FAM114A1: variants seen among roughly 807,000 people sequenced by gnomAD.
The protein encoded by FAM114A1 is family with sequence similarity 114 member A1, also known as protein NOXP20.
FAM114A1 carries 62 observed loss-of-function variants against 64.3 expected under a neutral mutation model. The observed-to-expected ratio is 0.96, with a 90% CI of 0.79 to 1.19. The LOEUF (loss-of-function observed/expected upper bound fraction) is 1.19, where lower values mean the gene tolerates loss of function less well. Among genes scored for constraint, FAM114A1 ranks in the 50% most tolerant of loss-of-function variants. The pLI, the probability that FAM114A1 is intolerant of heterozygous loss-of-function variation, is 0.00. For synonymous variants in FAM114A1, 254 were observed against 251.1 expected, an observed-to-expected ratio of 1.01 and a Z score of -0.11; for missense variants, 645 against 676.3, an observed-to-expected ratio of 0.95 and a Z score of 0.51.
In FAM114A1 at chr4:38,943,504, C is replaced by T; in HGVS notation, c.1639C>T (p.Pro547Ser). 2 of 1,614,112 alleles carry T rather than the reference C, an allele frequency of 1.2e-6. No individual in the cohort carries two copies. The highest frequency in any genetic ancestry group is 1.7e-6 in the Non-Finnish European group (2 of 1,179,996). The change falls in exon 15 of 15, where the codon CCT (proline) becomes TCT (serine). Residue 547 changes from proline to serine, a missense_variant. Physicochemically the swap from Pro to Ser is moderately conservative, Grantham distance 74. Transcript: ENST00000358869. ...ACAGGATGCCTTCCAGCTGCTGCTGCCTGTTCTGCAGGTCTCACATATCCA... is the reference window on the plus strand; with the variant it reads ...ACAGGATGCCTTCCAGCTGCTGCTGTCTGTTCTGCAGGTCTCACATATCCA... Reference protein sequence around the residue: ...YIQDAFQLLLPVLQVSHIQTS... With the variant: ...YIQDAFQLLLSVLQVSHIQTS...
Position 38,908,790 on chromosome 4 carries a change from TC to T in FAM114A1, c.792+65del. On this transcript the variant is annotated intron_variant, in intron 7 of 14. Coordinates refer to ENST00000358869, the MANE Select transcript of FAM114A1 (RefSeq NM_138389.4). ...ATAAAGTAAATAAATTTTTTATTTA[TC>T]TTTTTGAATAGCTCATTTAAAGCAT... 3.6e-6 allele frequency: 5 copies of T among 1,402,674 alleles called. No homozygotes were observed. In the South Asian group the frequency reaches 4.7e-5, roughly 13 times the overall value. 86.9% of individuals were successfully genotyped at this position (1,402,674 alleles called of 1,614,324 possible).
intron 4 of FAM114A1, among the ~76,000 whole-genome samples, chr4:38,904,337 C>T (rs1183858685): frequency 6.6e-6 from 1 of 152,164 alleles, no homozygotes; most frequent in Non-Finnish European, 1.5e-5. Flanking sequence ...ATCGTGAAGG[C>T]CTCAAAGGGA....
chr4:38,878,250 G>C lies in FAM114A1; in HGVS notation c.172G>C (p.Val58Leu), dbSNP rs757899799. The C allele has an allele frequency of 6.2e-7, 1 of 1,614,224 alleles. No individual in the cohort carries two copies. The highest frequency in any genetic ancestry group is 2.2e-5 in the East Asian group (1 of 44,888). Residue 58 changes from valine (V) to leucine (L), a missense_variant, in exon 3 of 15, where the codon GTG (valine) becomes CTG (leucine). By Grantham distance (32) the Val-to-Leu change is conservative. Coordinates refer to ENST00000358869, the MANE Select transcript of FAM114A1 (RefSeq NM_138389.4). ...AGGGGAGGGGCATGAAAATGCAGCT[G>C]TGCAGGGTGCAGGGGCTGCCGCCAT... ...PRGEGHENAA[V>L]QGAGAAAIGP...
At chr4:38,899,496 C>T (rs1370314768) in intron 4 of FAM114A1, among the ~76,000 whole-genome samples, 7 of 152,176 alleles carry the variant, frequency 4.6e-5, no homozygotes, top group Non-Finnish European at 8.8e-5. Context: ...AGAATGAGCA[C>T]TGTGATTCCA....
At position 38,882,878 on chromosome 4, in the gene FAM114A1, G is replaced by A. The variant is rs530852911; in HGVS notation, c.348+4452G>A. Among the ~76,000 whole-genome samples, 5 of 152,312 alleles carry A rather than the reference G, an allele frequency of 3.3e-5. No homozygotes were observed. In the South Asian group the frequency reaches 6.2e-4, roughly 19 times the overall value. The stretch of plus-strand genomic sequence containing the variant: ...CATAACTTGGCAGATGGGGTGTTGC[G>A]ACTAGCAGGTGGCCAGAGTCAAGGA... On this transcript the variant is annotated intron_variant, in intron 3 of 14. Transcript: ENST00000358869.
intron 4 of FAM114A1, among the ~76,000 whole-genome samples, chr4:38,895,989 G>T (rs1208415736): frequency 1.3e-5 from 2 of 151,922 alleles, no homozygotes; most frequent in Non-Finnish European, 2.9e-5. Context: ...TTCTCTTCTC[G>T]TCTCTGTTTG....
At chr4:38,897,777 TA>T (rs551318806) in intron 4 of FAM114A1, among the ~76,000 whole-genome samples, 16,155 of 144,622 alleles carry the variant, frequency 0.11, 1,190 homozygotes, top group Non-Finnish European at 0.18. Context: ...CCATCTCTAC[TA>T]AAAAAAAAAA....
chr4:38,889,330 A>T (rs1716103448), intron 3 of FAM114A1, among the ~76,000 whole-genome samples: 1 of 152,228 alleles, frequency 6.6e-6, no homozygotes, highest in Non-Finnish European at 1.5e-5. Flanking sequence ...AAATGAAAGC[A>T]GGCAGTGATG....
chr4:38,907,305 A>G (rs1718104060), intron 6 of FAM114A1, among the ~76,000 whole-genome samples: 1 of 152,122 alleles, frequency 6.6e-6, no homozygotes, highest in Admixed American at 6.5e-5. Flanking sequence ...TAAGAAATGA[A>G]TTCACGGCCT....
intron 4 of FAM114A1, 119 bp downstream of exon 4, chr4:38,891,949 G>A (rs112245019): frequency 6.3e-6 from 5 of 790,684 alleles, no homozygotes; most frequent in African/African-American, 5.2e-5. Context: ...ACCATGTTTA[G>A]TGCTTACTAT....
intron 3 of FAM114A1, among the ~76,000 whole-genome samples, chr4:38,883,813 C>T (rs1032655881): frequency 1.7e-4 from 26 of 152,324 alleles, no homozygotes; most frequent in Non-Finnish European, 2.8e-4. Flanking sequence ...CTACTGCCTA[C>T]GTTCCTTATT....
In FAM114A1 at chr4:38,878,118, A is replaced by C. The variant is rs564151157; in HGVS notation, c.40A>C (p.Lys14Gln). Reference sequence around the variant, plus strand: ...TGGTGACACCTTAGCCACTGGAGACAAAGCAGAAGTTACTGAGATGCCTAA... The same window carrying C: ...TGGTGACACCTTAGCCACTGGAGACCAAGCAGAAGTTACTGAGATGCCTAA... ...DAGDTLATGD[K>Q]AEVTEMPNSD... is the part of the protein sequence containing the mutation. The change falls in exon 3 of 15, where the codon AAA becomes CAA. Residue 14 changes from lysine (K) to glutamine (Q), a missense_variant. Physicochemically the swap from Lys to Gln is moderately conservative, Grantham distance 53. Coordinates refer to ENST00000358869, the MANE Select transcript of FAM114A1 (RefSeq NM_138389.4). The C allele has an allele frequency of 6.2e-7, 1 of 1,613,612 alleles. No individual in the cohort carries two copies. Among genetic ancestry groups the C allele is most frequent in the Admixed American group, 1.7e-5 (1 of 59,996 alleles).
rs955668603 is a variant in FAM114A1, at chr4:38,907,068, C to T, written c.657+1207C>T. Among the ~76,000 whole-genome samples the T allele has an allele frequency of 2.6e-5, 4 of 152,088 alleles. No homozygotes were observed. The East Asian group carries it at 5.8e-4, about 22-fold the overall frequency. On this transcript the variant is annotated intron_variant, in intron 6 of 14. Coordinates refer to ENST00000358869, the MANE Select transcript of FAM114A1 (RefSeq NM_138389.4). ...GTAATTCGGGAAGAGGTGAGGGCTG[C>T]GGTCAAACATGAGAGGATCTCACCC...
intron 9 of FAM114A1, among the ~76,000 whole-genome samples, chr4:38,924,565 A>G (rs893060790): frequency 7.9e-5 from 12 of 152,212 alleles, no homozygotes; most frequent in African/African-American, 2.4e-4. Flanking sequence ...CTGACCTTAC[A>G]TGCCTTCAGC....
chr4:38,893,901 G>A (rs1160754392), intron 4 of FAM114A1, among the ~76,000 whole-genome samples: 5 of 152,038 alleles, frequency 3.3e-5, no homozygotes, highest in Non-Finnish European at 7.4e-5. Flanking sequence ...GGTGGCTCAC[G>A]CCTGTAATCC....
At chr4:38,908,180 C>G (rs1349019999) in intron 6 of FAM114A1, among the ~76,000 whole-genome samples, 1 of 152,008 alleles carries the variant, frequency 6.6e-6, no homozygotes, top group African/African-American at 2.4e-5. Flanking sequence ...CCAAGCAACT[C>G]TGTTACTTGG....
chr4:38,923,745 C>T lies in FAM114A1; in HGVS notation c.1069+852C>T, dbSNP rs140160790. Among the ~76,000 whole-genome samples, 725 of 152,290 alleles carry T rather than the reference C, an allele frequency of 4.8e-3. 7 individuals carry two copies. Among genetic ancestry groups the T allele is most frequent in the African/African-American group, 0.017 (707 of 41,562 alleles). ...TCTGACAGTGCACCAGGGCATGCTA[C>T]ATCAGGTTGGCAACCACACTTCCCA... On this transcript the variant is annotated intron_variant, in intron 9 of 14. Coordinates refer to ENST00000358869, the MANE Select transcript of FAM114A1 (RefSeq NM_138389.4).
chr4:38,907,762 C>A (rs1718163003), intron 6 of FAM114A1, among the ~76,000 whole-genome samples: 1 of 151,922 alleles, frequency 6.6e-6, no homozygotes, highest in Non-Finnish European at 1.5e-5. Context: ...CAATTTATAT[C>A]ATTTTTATAT....
chr4:38,920,691 A>G (rs1391569990), intron 8 of FAM114A1, among the ~76,000 whole-genome samples: 1 of 152,320 alleles, frequency 6.6e-6, no homozygotes, highest in East Asian at 1.9e-4. Context: ...ATTCAAACAC[A>G]TTTATTCAAT....
Sources: allele counts gnomAD v4.1 joint callset (sites outside exome capture counted in the v4.1 genomes callset), GRCh38; gene constraint gnomAD v4.1.1; transcripts MANE v1.5; gene names NCBI Gene and HGNC (gene_info 2026-07-23, HGNC 2026-07-21).